The following DHX34 variants were observed in gnomAD, a reference collection of about 807,000 sequenced individuals.
The protein encoded by DHX34 is DExH-box helicase 34, also known as probable ATP-dependent RNA helicase DHX34.
DHX34 carries 96 observed loss-of-function variants against 111.1 expected under a neutral mutation model. The ratio of observed to expected loss-of-function variants is 0.86; its 90% confidence interval spans 0.73 to 1.02. The LOEUF (loss-of-function observed/expected upper bound fraction) is 1.02. Among genes scored for constraint, DHX34 ranks in the 50% least tolerant of loss-of-function variants. DHX34 has a pLI of 0.00. For missense variants in DHX34, 1,560 were observed against 1,579.9 expected, an observed-to-expected ratio of 0.99 and a Z score of 0.21; for synonymous variants, 688 against 670.4, an observed-to-expected ratio of 1.03 and a Z score of -0.41.
At position 47,353,316 on chromosome 19, in the gene DHX34, C is replaced by G; in HGVS notation, c.286C>G (p.Leu96Val). ...GCACAGCATCCCAGCGCTGGCCGAC[C>G]TACCTCGCACTTACGACCCACGTTA... Reference protein sequence around the residue: ...PKHSIPALADLPRTYDPRYRI... With the variant: ...PKHSIPALADVPRTYDPRYRI... Residue 96 changes from leucine (L) to valine (V), a missense_variant, in exon 2 of 17, where the codon CTA (leucine) becomes GTA (valine). Transcript: ENST00000328771. This position sits in a 1 kb window ranked among gnomAD's most constrained non-coding sequence, Gnocchi z 4.6. 5.6e-6 allele frequency: 9 copies of G among 1,614,176 alleles called. No homozygotes were observed. The highest frequency in any genetic ancestry group is 7.6e-6 in the Non-Finnish European group (9 of 1,180,036).
Position 47,353,445 on chromosome 19 carries a change from C to T in DHX34, c.415C>T (p.His139Tyr). 1.9e-6 allele frequency: 3 copies of T among 1,614,180 alleles called. No homozygotes were observed. Among genetic ancestry groups the T allele is most frequent in the Non-Finnish European group, 2.5e-6 (3 of 1,180,044 alleles). Residue 139 changes from histidine (H) to tyrosine (Y), a missense_variant, in exon 2 of 17, where the codon CAC (histidine) becomes TAC (tyrosine). By Grantham distance (83) the His-to-Tyr change is moderately conservative (BLOSUM62 2). Coordinates refer to ENST00000328771, the MANE Select transcript of DHX34 (RefSeq NM_014681.6). The surrounding 1 kb of genome is among the most constrained non-coding windows in gnomAD (Gnocchi z 4.6). ...RVAEFRRALL[H>Y]YLDFGQKQAF... ...GGCTGAGTTCCGCCGAGCCCTGTTGCACTACCTGGACTTTGGCCAGAAGCA... is the reference window on the plus strand; with the variant it reads ...GGCTGAGTTCCGCCGAGCCCTGTTGTACTACCTGGACTTTGGCCAGAAGCA...
chr19:47,373,910 G>A (rs891216938), intron 9 of DHX34, among the ~76,000 whole-genome samples: 1 of 152,174 alleles, frequency 6.6e-6, no homozygotes, highest in Non-Finnish European at 1.5e-5. Context: ...GGGGTGGACC[G>A]AGTCAGTGGA....
intron 13 of DHX34, among the ~76,000 whole-genome samples, chr19:47,378,744 G>T (rs1284671695): frequency 6.6e-6 from 1 of 152,190 alleles, no homozygotes; most frequent in African/African-American, 2.4e-5. Context: ...GCTGAGGCAG[G>T]AGGATTGCTT....
chr19:47,381,711 A>T, intron 16 of DHX34: 1 of 792,656 alleles, frequency 1.3e-6, no homozygotes, highest in South Asian at 2.0e-5. Context: ...CTGGGGCCAC[A>T]TGCCTCCATC....
intron 10 of DHX34, 34 bp downstream of exon 10, chr19:47,375,742 A>T (rs1970128969): frequency 6.4e-7 from 1 of 1,559,106 alleles, no homozygotes; most frequent in Non-Finnish European, 8.6e-7. Flanking sequence ...GTGGGGGTTT[A>T]CCAAGGTGGG....
chr19:47,359,833 A>G (rs1269049289), intron 4 of DHX34, 135 bp from the exon 5 acceptor site: 10 of 1,520,688 alleles, frequency 6.6e-6, no homozygotes, highest in African/African-American at 1.4e-5. Context: ...ACGGTGAGCC[A>G]TCTCCAAAAG....
At chr19:47,354,222 C>G (rs1208723782) in intron 2 of DHX34, among the ~76,000 whole-genome samples, 1 of 152,180 alleles carries the variant, frequency 6.6e-6, no homozygotes, top group African/African-American at 2.4e-5. Flanking sequence ...TTCGGCCTCC[C>G]AAAGTTTTGG....
rs143813328 is a variant in DHX34 at position 47,353,312 on chromosome 19, C to T, written c.282C>T (p.Ala94=). Residue 94 remains alanine, a synonymous_variant, in exon 2 of 17, where the codon GCC becomes GCT. Transcript: ENST00000328771. The surrounding 1 kb of genome is among the most constrained non-coding windows in gnomAD (Gnocchi z 4.6). ...GQPKHSIPAL[A]DLPRTYDPRY... Reference sequence around the variant, plus strand: ...CCAAGCACAGCATCCCAGCGCTGGCCGACCTACCTCGCACTTACGACCCAC... The same window carrying T: ...CCAAGCACAGCATCCCAGCGCTGGCTGACCTACCTCGCACTTACGACCCAC... 36 of 1,614,014 alleles carry T rather than the reference C, an allele frequency of 2.2e-5. No homozygotes were observed. In the African/African-American group the frequency reaches 2.4e-4, roughly 11 times the overall value.
chr19:47,377,027 G>T (rs779930393), intron 12 of DHX34, 73 bp from the exon 13 acceptor site: 12 of 1,609,590 alleles, frequency 7.5e-6, no homozygotes, highest in Middle Eastern at 1.6e-4. Context: ...ACTTTGACCG[G>T]GTGGGACAGG....
At chr19:47,359,138 G>A (rs1337812458) in intron 4 of DHX34, among the ~76,000 whole-genome samples, 1 of 152,188 alleles carries the variant, frequency 6.6e-6, no homozygotes, top group Non-Finnish European at 1.5e-5. Flanking sequence ...CAGGGCAGGG[G>A]CTGGGCTGTC....
intron 1 of DHX34, among the ~76,000 whole-genome samples, chr19:47,351,388 A>G (rs1486942260): frequency 1.3e-5 from 2 of 151,334 alleles, no homozygotes; most frequent in African/African-American, 4.9e-5. Flanking sequence ...ACAGAGCAAG[A>G]CTCCATCTCA....
intron 12 of DHX34, chr19:47,376,791 G>A: frequency 6.7e-7 from 1 of 1,498,582 alleles, no homozygotes; most frequent in Non-Finnish European, 8.9e-7. Flanking sequence ...AGCCAGTGTG[G>A]CTGTGCCCAG....
At position 47,379,987 on chromosome 19, in the gene DHX34, T is replaced by G; in HGVS notation, c.2982+2T>G. On this transcript the variant is annotated splice_donor_variant, in intron 14 of 16. Coordinates refer to ENST00000328771, the MANE Select transcript of DHX34 (RefSeq NM_014681.6). LOFTEE classifies it high-confidence loss of function. ...CTCCTGCAATTCACGGCATCCAAGGTACCCTCCACCAGGGTGCCCGTGCCT... is the reference window on the plus strand; with the variant it reads ...CTCCTGCAATTCACGGCATCCAAGGGACCCTCCACCAGGGTGCCCGTGCCT... 2 of 1,578,448 alleles carry G rather than the reference T, an allele frequency of 1.3e-6. No homozygotes were observed. The highest frequency in any genetic ancestry group is 1.7e-6 in the Non-Finnish European group (2 of 1,154,210).
chr19:47,371,114 C>T (rs1969952812), intron 7 of DHX34, among the ~76,000 whole-genome samples: 1 of 152,220 alleles, frequency 6.6e-6, no homozygotes, highest in South Asian at 2.1e-4. Context: ...CTGCTGAGGG[C>T]AGGGCCTCTG....
chr19:47,375,240 C>T (rs566773295), intron 9 of DHX34: 102 of 971,274 alleles, frequency 1.1e-4, no homozygotes, highest in African/African-American at 1.6e-4. Flanking sequence ...AGGCACTGGA[C>T]GCCCGCACCT....
At chr19:47,373,460 G>A in intron 8 of DHX34, 139 bp from the exon 9 acceptor site, 21 of 1,451,006 alleles carry the variant, frequency 1.4e-5, no homozygotes, top group Non-Finnish European at 1.9e-5. Flanking sequence ...CATAGGAGGG[G>A]GCACTGGGGC....
At chr19:47,351,165 CT>C (rs796524317) in intron 1 of DHX34, among the ~76,000 whole-genome samples, 9,630 of 128,146 alleles carry the variant, frequency 0.075, 380 homozygotes, top group East Asian at 0.12. Flanking sequence ...CTCTCATTTT[CT>C]TTTTCTTTTT....
At chr19:47,370,966 G>A (rs929228330) in intron 7 of DHX34, among the ~76,000 whole-genome samples, 17 of 152,172 alleles carry the variant, frequency 1.1e-4, no homozygotes, top group Non-Finnish European at 2.5e-4. Flanking sequence ...GAGCCCCTGC[G>A]CCCGGCTTCA....
In DHX34 at chr19:47,375,723, C is replaced by CTGTGGGG. The variant is rs535623584; in HGVS notation, c.2307+23_2307+29dup. 3 of 1,562,518 alleles carry CTGTGGGG rather than the reference C, an allele frequency of 1.9e-6. No homozygotes were observed. The highest frequency in any genetic ancestry group is 1.4e-5 in the African/African-American group (1 of 73,692). ...TGGACATCCAGGTGGGCGCCATGGG[C>CTGTGGGG]TGTGGGGTGTGGGGGTTTACCAAGG... On this transcript the variant is annotated intron_variant, in intron 10 of 16. Coordinates refer to ENST00000328771, the MANE Select transcript of DHX34 (RefSeq NM_014681.6).
Sources: gnomAD v4.1 joint callset for allele counts (sites outside exome capture counted in the v4.1 genomes callset) on GRCh38, gnomAD v4.1.1 for gene constraint, Gnocchi (gnomAD v3.1) non-coding constraint, MANE v1.5 for transcripts, NCBI Gene and HGNC (gene_info 2026-07-23, HGNC 2026-07-21) for gene names.